The following ANO2 variants were observed in gnomAD, a reference collection of about 807,000 sequenced individuals.
ANO2 encodes anoctamin-2.
In ANO2, 101 loss-of-function variants were observed where a neutral mutation model predicts 124.2. The ratio of observed to expected loss-of-function variants is 0.81; its 90% CI spans 0.69 to 0.96. The LOEUF (loss-of-function observed/expected upper bound fraction) is 0.96. ANO2 is among the 40% of genes least tolerant of loss of function. ANO2 has a pLI of 0.00. For missense variants in ANO2, 1,293 were observed against 1,274.5 expected (o/e 1.01, Z -0.22); for synonymous variants, 486 against 482.5 (o/e 1.01, Z -0.09).
chr12:5,675,864 G>C lies in ANO2; in HGVS notation c.1546-28063C>G, dbSNP rs73271243. On this transcript the variant is annotated intron_variant, in intron 14 of 24. Coordinates refer to ENST00000682330, the MANE Select transcript of ANO2 (RefSeq NM_001364791.2). ...CTTGCCCCAGTCTCAGGGCCACGGA[G>C]AGTGGGACACATGTACTTCCAGTTG... Among the ~76,000 whole-genome samples, 729 of 152,308 alleles carry C rather than the reference G, an allele frequency of 4.8e-3. 4 individuals carry two copies. The highest frequency in any genetic ancestry group is 0.017 in the African/African-American group (699 of 41,556).
chr12:5,709,590 G>C (rs553783467), intron 14 of ANO2, among the ~76,000 whole-genome samples: 3 of 152,158 alleles, frequency 2.0e-5, no homozygotes, highest in African/African-American at 4.8e-5. Flanking sequence ...GGTAAGCCAC[G>C]GGAAGCAGGA....
intron 14 of ANO2, among the ~76,000 whole-genome samples, chr12:5,708,519 T>C (rs1488957451): frequency 6.6e-6 from 1 of 152,184 alleles, no homozygotes; most frequent in African/African-American, 2.4e-5. Flanking sequence ...ACCTGCTAAA[T>C]GCACTCTCTG....
At chr12:5,692,767 G>A (rs896061283) in intron 14 of ANO2, among the ~76,000 whole-genome samples, 12 of 152,180 alleles carry the variant, frequency 7.9e-5, no homozygotes, top group African/African-American at 2.9e-4. Flanking sequence ...TGTCCCCTGC[G>A]CCCCGTAGTA....
intron 14 of ANO2, among the ~76,000 whole-genome samples, chr12:5,649,607 AT>A (rs1478672267): frequency 6.6e-6 from 1 of 151,932 alleles, no homozygotes. Flanking sequence ...CCTTAAGGGT[AT>A]TTTTTTGGGG....
chr12:5,618,886 C>T (rs1487475340), intron 16 of ANO2, among the ~76,000 whole-genome samples: 1 of 152,204 alleles, frequency 6.6e-6, no homozygotes, highest in Non-Finnish European at 1.5e-5. Flanking sequence ...TATCATCTCC[C>T]GTCTCATGGC....
In ANO2 at chr12:5,582,400, C is replaced by G. The variant is rs184515866; in HGVS notation, c.2234-3882G>C. Among the ~76,000 whole-genome samples, 17 of 152,334 alleles carry G rather than the reference C, an allele frequency of 1.1e-4. No individual in the cohort carries two copies. The East Asian group carries it at 3.3e-3, about 29-fold the overall frequency. ...ACCATCAGCCCTACACTGCCTGAAG[C>G]TGGAGACATTTCTGCATCAGTGATT... is the stretch of plus-strand genomic sequence containing the variant. On this transcript the variant is annotated intron_variant, in intron 20 of 24. Transcript: ENST00000682330.
chr12:5,698,432 A>G (rs1275680222), intron 14 of ANO2, among the ~76,000 whole-genome samples: 1 of 152,236 alleles, frequency 6.6e-6, no homozygotes, highest in African/African-American at 2.4e-5. Flanking sequence ...CATCCACACC[A>G]AAACCCCATC....
intron 4 of ANO2, among the ~76,000 whole-genome samples, chr12:5,837,030 C>T (rs1173722986): frequency 6.6e-6 from 1 of 152,208 alleles, no homozygotes; most frequent in Non-Finnish European, 1.5e-5. Context: ...TTGATGACAG[C>T]AGTTGCTGTC....
chr12:5,714,952 G>A (rs1031590022), intron 14 of ANO2, among the ~76,000 whole-genome samples: 40 of 152,326 alleles, frequency 2.6e-4, no homozygotes, highest in African/African-American at 9.4e-4. Context: ...CCTAGGTTCT[G>A]TGGGGAGATA....
intron 15 of ANO2, among the ~76,000 whole-genome samples, chr12:5,639,307 C>A (rs1661574105): frequency 6.6e-6 from 1 of 152,150 alleles, no homozygotes; most frequent in Admixed American, 6.5e-5. Flanking sequence ...TGCCTATGAC[C>A]TCCACCTAGT....
At chr12:5,583,253 C>T (rs1036931401) in intron 20 of ANO2, among the ~76,000 whole-genome samples, 2 of 152,164 alleles carry the variant, frequency 1.3e-5, no homozygotes, top group African/African-American at 2.4e-5. Context: ...ACCTCTACAT[C>T]GCAATTCTCA....
intron 14 of ANO2, among the ~76,000 whole-genome samples, chr12:5,661,868 T>C (rs933936766): frequency 6.6e-6 from 1 of 152,226 alleles, no homozygotes; most frequent in Admixed American, 6.5e-5. Flanking sequence ...TGTATTCCTG[T>C]GGCTTGTTCC....
intron 4 of ANO2, among the ~76,000 whole-genome samples, chr12:5,838,727 C>T (rs1954408542): frequency 6.6e-6 from 1 of 152,178 alleles, no homozygotes; most frequent in Non-Finnish European, 1.5e-5. Flanking sequence ...GAATACCCGC[C>T]TCATAAAATA....
intron 10 of ANO2, among the ~76,000 whole-genome samples, chr12:5,773,770 A>G (rs73253292): frequency 0.022 from 3,332 of 152,280 alleles, 113 homozygotes; most frequent in African/African-American, 0.075. Flanking sequence ...AAGGCTCACA[A>G]CTTGGTGAGT....
intron 14 of ANO2, among the ~76,000 whole-genome samples, chr12:5,707,972 G>T (rs4930792): frequency 1.3e-5 from 2 of 152,190 alleles, no homozygotes; most frequent in Non-Finnish European, 2.9e-5. Context: ...GGACCCAACT[G>T]CCTAAATGAC....
chr12:5,844,609 T>C (rs575615816), intron 4 of ANO2, among the ~76,000 whole-genome samples: 2 of 152,312 alleles, frequency 1.3e-5, no homozygotes, highest in East Asian at 3.9e-4. Flanking sequence ...ATCTTCTTAC[T>C]GTACGGGTGA....
At chr12:5,946,094 C>T (rs1943088597), upstream of ANO2, 1 of 1,587,276 alleles carries the variant, frequency 6.3e-7, no homozygotes. The surrounding 1 kb of genome is among the most constrained non-coding windows in gnomAD (Gnocchi z 4.1). Flanking sequence ...ATACCATGGA[C>T]CCCCAAAATG....
At position 5,667,095 on chromosome 12, in the gene ANO2, G is replaced by A. The variant is rs941169740; in HGVS notation, c.1546-19294C>T. On this transcript the variant is annotated intron_variant, in intron 14 of 24. Coordinates refer to ENST00000682330, the MANE Select transcript of ANO2 (RefSeq NM_001364791.2). ...CTGGCTTGATGGAAGGAGGACACCC[G>A]GAAGCTCTGCGTTTGCTGCTTTCTG... Among the ~76,000 whole-genome samples the A allele has an allele frequency of 4.6e-4, 70 of 152,228 alleles. 1 individual carries two copies. The highest frequency in any genetic ancestry group is 1.3e-3 in the African/African-American group (56 of 41,566).
At chr12:5,735,262 GATC>G (rs1950810476) in intron 13 of ANO2, among the ~76,000 whole-genome samples, 2 of 152,150 alleles carry the variant, frequency 1.3e-5, no homozygotes, top group African/African-American at 4.8e-5. Flanking sequence ...AGTCATCACA[GATC>G]ATCACCCCTC....
Sources: allele counts gnomAD v4.1 joint callset (sites outside exome capture counted in the v4.1 genomes callset), GRCh38; gene constraint gnomAD v4.1.1; non-coding constraint Gnocchi (gnomAD v3.1); transcripts MANE v1.5; gene names NCBI Gene and HGNC (gene_info 2026-07-23, HGNC 2026-07-21).